The following TLN2 variants were observed in gnomAD, a reference collection of about 807,000 sequenced individuals.
TLN2 encodes the protein talin-2.
In TLN2, 118 loss-of-function variants were observed where a neutral mutation model predicts 294.7. The ratio of observed to expected loss-of-function variants is 0.40; its 90% confidence interval spans 0.34 to 0.47. The LOEUF (loss-of-function observed/expected upper bound fraction) is 0.47. TLN2 is among the 20% of genes least tolerant of loss of function. The probability of loss-of-function intolerance (pLI) is 0.84; values close to 1 mark genes in which losing one functional copy is unlikely to be tolerated. For synonymous variants in TLN2, 1,431 were observed against 1,304.5 expected (o/e 1.10, Z -2.09); for missense variants, 3,083 against 3,282.2 (o/e 0.94, Z 1.48).
At chr15:62,793,887 C>G (rs561780586) in intron 46 of TLN2, among the ~76,000 whole-genome samples, 1 of 151,920 alleles carries the variant, frequency 6.6e-6, no homozygotes, top group Admixed American at 6.6e-5. Context: ...AAGCTGCTGC[C>G]ACAGAGGCTG....
chr15:62,842,891 C>T lies in TLN2; in HGVS notation c.*2281C>T, dbSNP rs2070847894. ...CCCAGTTTCTCATCTGTCCTTTCCTCATCCACCCTGCACATGTGTATGTGA... is the reference window on the plus strand; with the variant it reads ...CCCAGTTTCTCATCTGTCCTTTCCTTATCCACCCTGCACATGTGTATGTGA... On this transcript the variant is annotated 3_prime_UTR_variant, in exon 59 of 59. Coordinates refer to ENST00000636159, the MANE Select transcript of TLN2 (RefSeq NM_015059.3). 6.6e-6 allele frequency: 1 copy of T among 152,224 alleles called. No individual in the cohort carries two copies. The highest frequency in any genetic ancestry group is 6.5e-5 in the Admixed American group (1 of 15,288). The allele number at this position is 152,224 out of a possible 1,614,324, so 9.4% of individuals were successfully genotyped here. A position where few individuals can be genotyped will look rare whatever the true frequency, so the allele number is the denominator to read the frequency against.
chr15:62,638,371 T>A (rs957309144), intron 3 of TLN2: 1 of 362,604 alleles, frequency 2.8e-6, no homozygotes, highest in African/African-American at 2.1e-5. Context: ...ATATCCATTT[T>A]TATAGCAAAG....
intron 1 of TLN2, among the ~76,000 whole-genome samples, chr15:62,437,338 T>G (rs2035332486): frequency 6.6e-6 from 1 of 152,122 alleles, no homozygotes; most frequent in African/African-American, 2.4e-5. Context: ...TCCTGGTGAT[T>G]GGTGGTGGCT....
intron 6 of TLN2, 84 bp downstream of exon 6, chr15:62,652,218 C>G (rs1447083328): frequency 2.2e-6 from 3 of 1,383,114 alleles, no homozygotes; most frequent in Non-Finnish European, 2.9e-6. Context: ...CATTTGATCT[C>G]TAGGCAACTT....
At chr15:62,787,376 T>G (rs1334870951) in intron 45 of TLN2, among the ~76,000 whole-genome samples, 1 of 152,196 alleles carries the variant, frequency 6.6e-6, no homozygotes, top group Non-Finnish European at 1.5e-5. Context: ...CGATCAGGAT[T>G]CCTTAGACCC....
At chr15:62,540,266 G>T (rs571306454) in intron 1 of TLN2, among the ~76,000 whole-genome samples, 2 of 152,188 alleles carry the variant, frequency 1.3e-5, no homozygotes, top group African/African-American at 2.4e-5. Flanking sequence ...CTTGAACCCG[G>T]AAGGCAGAGG....
chr15:62,475,072 G>A (rs948514569), intron 1 of TLN2, among the ~76,000 whole-genome samples: 5 of 152,100 alleles, frequency 3.3e-5, no homozygotes, highest in African/African-American at 9.7e-5. Context: ...TAGTGAGGGT[G>A]GGGTATTTGG....
At chr15:62,546,462 C>T (rs1206554551) in intron 1 of TLN2, among the ~76,000 whole-genome samples, 1 of 152,134 alleles carries the variant, frequency 6.6e-6, no homozygotes, top group Middle Eastern at 3.2e-3. Flanking sequence ...TATTTCATTT[C>T]TTGCTCCATA....
intron 21 of TLN2, among the ~76,000 whole-genome samples, chr15:62,710,828 C>T (rs1358852012): frequency 7.0e-6 from 1 of 142,042 alleles, no homozygotes; most frequent in Non-Finnish European, 1.5e-5. Flanking sequence ...CAGGTTCATG[C>T]CATTCTTCTG....
rs566147374 is a variant in TLN2 at position 62,409,647 on chromosome 15, G to T, written c.-238+18962G>T. On this transcript the variant is annotated intron_variant, in intron 1 of 58. Transcript: ENST00000636159. ...TAGATTTTTGGAGTTAATTCAAGGAGGCTTTGTGGTTTTAAACTGCACAGG... is the reference window on the plus strand; with the variant it reads ...TAGATTTTTGGAGTTAATTCAAGGATGCTTTGTGGTTTTAAACTGCACAGG... Among the ~76,000 whole-genome samples the T allele has an allele frequency of 3.5e-4, 53 of 152,278 alleles. 1 individual carries two copies. Among genetic ancestry groups the T allele is most frequent in the Admixed American group, 5.9e-4 (9 of 15,306 alleles).
At chr15:62,547,864 C>T (rs1032585097) in intron 1 of TLN2, among the ~76,000 whole-genome samples, 1 of 148,662 alleles carries the variant, frequency 6.7e-6, no homozygotes, top group Non-Finnish European at 1.5e-5. Context: ...AATATGTTGC[C>T]TCTGAAATTG....
At chr15:62,450,208 C>G (rs1008240137) in intron 1 of TLN2, among the ~76,000 whole-genome samples, 1 of 152,096 alleles carries the variant, frequency 6.6e-6, no homozygotes, top group Non-Finnish European at 1.5e-5. Flanking sequence ...CTGAAACGTT[C>G]TTCTCCCACC....
intron 45 of TLN2, among the ~76,000 whole-genome samples, chr15:62,789,379 T>G (rs958614141): frequency 2.6e-5 from 4 of 152,190 alleles, no homozygotes; most frequent in African/African-American, 9.7e-5. Context: ...TGGAGCTTCT[T>G]AACTGGAATT....
chr15:62,598,824 T>G (rs779504899), intron 2 of TLN2, among the ~76,000 whole-genome samples: 50 of 151,918 alleles, frequency 3.3e-4, no homozygotes, highest in Non-Finnish European at 6.5e-4. Context: ...ATCCTGGTAT[T>G]TGTGAGTTAC....
At chr15:62,832,084 A>T (rs1462382149) in intron 54 of TLN2, 1 of 150,810 alleles carries the variant, frequency 6.6e-6, no homozygotes, top group African/African-American at 2.4e-5. Context: ...AAAAATAAGG[A>T]TAAAGATAAT....
rs1314702218 is a variant in TLN2 at position 62,771,130 on chromosome 15, C to G, written c.5363C>G (p.Pro1788Arg). Residue 1788 changes from proline to arginine, a missense_variant, in exon 42 of 59, where the codon CCC (proline) becomes CGC (arginine). By Grantham distance (103) the Pro-to-Arg change is moderately radical. Coordinates refer to ENST00000636159, the MANE Select transcript of TLN2 (RefSeq NM_015059.3). ...LYAAKEGGGN[P>R]KAQHTHDAIT... The stretch of plus-strand genomic sequence containing the variant: ...GCAGCCAAAGAAGGTGGCGGAAACC[C>G]CAAGGTATGGTCCAGGATATCGGGG... The G allele has an allele frequency of 1.9e-6, 3 of 1,608,540 alleles. No individual in the cohort carries two copies. Among genetic ancestry groups the G allele is most frequent in the Non-Finnish European group, 2.5e-6 (3 of 1,176,694 alleles).
intron 1 of TLN2, among the ~76,000 whole-genome samples, chr15:62,430,910 A>G (rs1595786863): frequency 6.7e-6 from 1 of 148,434 alleles, no homozygotes; most frequent in East Asian, 2.0e-4. Flanking sequence ...GGAGGAGGCG[A>G]GAAAGATGAT....
chr15:62,440,968 T>A (rs1117214), intron 1 of TLN2, among the ~76,000 whole-genome samples: 140,166 of 152,222 alleles, frequency 0.92, 65,374 homozygotes, highest in East Asian at 1. Flanking sequence ...CAGGTTCTGG[T>A]TATAGTCACA....
At position 62,826,195 on chromosome 15, in the gene TLN2, C is replaced by T. The variant is rs558913785; in HGVS notation, c.7002+5585C>T. On this transcript the variant is annotated intron_variant, in intron 54 of 58. Coordinates refer to ENST00000636159, the MANE Select transcript of TLN2 (RefSeq NM_015059.3). ...TATCTTTTGTCTGTGCTTTCTATAT[C>T]GACATTCAAGGGCCCCTTAAACAGA... 3.3e-5 allele frequency among the ~76,000 whole-genome samples: 5 copies of T among 151,912 alleles called. No homozygotes were observed. The East Asian group carries it at 5.8e-4, about 18-fold the overall frequency.
Sources: allele counts gnomAD v4.1 joint callset (sites outside exome capture counted in the v4.1 genomes callset), GRCh38; gene constraint gnomAD v4.1.1; transcripts MANE v1.5; gene names NCBI Gene and HGNC (gene_info 2026-07-23, HGNC 2026-07-21).